WDR7: variants seen among roughly 807,000 people sequenced by gnomAD.
WDR7 encodes WD repeat-containing protein 7.
WDR7 carries 46 observed loss-of-function variants against 169.4 expected under a neutral mutation model. The ratio of observed to expected loss-of-function variants is 0.27; its 90% CI spans 0.21 to 0.35. The LOEUF is 0.35. WDR7 is among the 10% of genes least tolerant of loss of function. The pLI is 1.00. For synonymous variants in WDR7, 612 were observed against 666.8 expected (o/e 0.92, Z 1.27); for missense variants, 1,534 against 1,859.3 (o/e 0.83, Z 3.22).
chr18:56,816,281 A>C lies in WDR7; in HGVS notation c.3304+137A>C. ...TACTGATGGTGTATTTAGTTTTATG[A>C]AACTGTTCAGTGTCCTCTTTAATTT... On this transcript the variant is annotated intron_variant, in intron 20 of 27. Coordinates refer to ENST00000254442, the MANE Select transcript of WDR7 (RefSeq NM_015285.3). 4.3e-6 allele frequency: 3 copies of C among 700,884 alleles called. No homozygotes were observed. The South Asian group carries it at 6.7e-5, about 16-fold the overall frequency. 43.4% of individuals were successfully genotyped at this position (700,884 alleles called of 1,614,324 possible).
At chr18:56,764,474 T>A (rs2044030770) in intron 16 of WDR7, among the ~76,000 whole-genome samples, 1 of 152,160 alleles carries the variant, frequency 6.6e-6, no homozygotes, top group Non-Finnish European at 1.5e-5. Context: ...GATACATGTG[T>A]ACATTGTGGA....
At chr18:56,904,970 G>T (rs899757680) in intron 21 of WDR7, among the ~76,000 whole-genome samples, 1 of 152,102 alleles carries the variant, frequency 6.6e-6, no homozygotes, top group Non-Finnish European at 1.5e-5. Flanking sequence ...AACATAAGAA[G>T]AAAGTAGATA....
chr18:56,754,414 C>T (rs534652549), intron 14 of WDR7, among the ~76,000 whole-genome samples: 2 of 125,692 alleles, frequency 1.6e-5, no homozygotes, highest in Non-Finnish European at 3.4e-5. Context: ...CACATATATA[C>T]ACACACAAAT....
At chr18:56,823,988 A>G (rs1487560186) in intron 20 of WDR7, among the ~76,000 whole-genome samples, 1 of 152,178 alleles carries the variant, frequency 6.6e-6, no homozygotes, top group Admixed American at 6.5e-5. Flanking sequence ...CTTCACCCTC[A>G]TTAACAGCTA....
chr18:56,938,440 T>C (rs965210052), intron 23 of WDR7, 93 bp from the exon 24 acceptor site: 58 of 1,465,098 alleles, frequency 4.0e-5, no homozygotes, highest in Non-Finnish European at 5.1e-5. Context: ...TTTATTTTTT[T>C]CTATAGTATT....
rs578189791 is a variant in WDR7, at chr18:56,783,610, A to T, written c.3190+1954A>T. 8.0e-4 allele frequency among the ~76,000 whole-genome samples: 122 copies of T among 152,282 alleles called. 1 individual carries two copies. Among genetic ancestry groups the T allele is most frequent in the African/African-American group, 2.8e-3 (116 of 41,560 alleles). On this transcript the variant is annotated intron_variant, in intron 19 of 27. Coordinates refer to ENST00000254442, the MANE Select transcript of WDR7 (RefSeq NM_015285.3). ...CCAAATGGACTCGTGTGAAGTAGGG[A>T]AATTGATTAAAGTAGAATAACTAGC...
chr18:56,874,618 T>A (rs1289536051), intron 20 of WDR7, among the ~76,000 whole-genome samples: 1 of 152,080 alleles, frequency 6.6e-6, no homozygotes, highest in Non-Finnish European at 1.5e-5. Flanking sequence ...TATACAAAAT[T>A]CAACAAATTA....
At chr18:56,765,963 G>A (rs76685806) in intron 16 of WDR7, among the ~76,000 whole-genome samples, 3 of 151,386 alleles carry the variant, frequency 2.0e-5, no homozygotes, top group African/African-American at 7.3e-5. Flanking sequence ...TTTAGTGAGC[G>A]TCTGCTCTTC....
At chr18:56,744,513 A>T (rs927417151) in intron 14 of WDR7, among the ~76,000 whole-genome samples, 1 of 152,110 alleles carries the variant, frequency 6.6e-6, no homozygotes, top group African/African-American at 2.4e-5. Flanking sequence ...CAGACATAAA[A>T]GGGAATGGAG....
At chr18:56,808,107 G>A (rs927334567) in intron 19 of WDR7, among the ~76,000 whole-genome samples, 3 of 152,172 alleles carry the variant, frequency 2.0e-5, no homozygotes, top group African/African-American at 7.2e-5. Context: ...TGGATCGATA[G>A]AAGTGGTGTG....
At chr18:56,839,747 G>A (rs148172474) in intron 20 of WDR7, among the ~76,000 whole-genome samples, 2 of 152,244 alleles carry the variant, frequency 1.3e-5, no homozygotes, top group African/African-American at 4.8e-5. Context: ...AAATCATGGG[G>A]TGAGCCTATG....
chr18:56,765,579 A>G (rs1391388650), intron 16 of WDR7, among the ~76,000 whole-genome samples: 2 of 151,780 alleles, frequency 1.3e-5, no homozygotes, highest in Admixed American at 6.6e-5. Flanking sequence ...TTACTTTTAT[A>G]TATGTTATAA....
At chr18:56,859,514 C>G (rs1387964760) in intron 20 of WDR7, among the ~76,000 whole-genome samples, 1 of 152,124 alleles carries the variant, frequency 6.6e-6, no homozygotes, top group African/African-American at 2.4e-5. Context: ...CTTGCTTGCT[C>G]TTAGTATTAT....
At chr18:56,681,426 T>G in intron 4 of WDR7, 35 bp downstream of exon 4, 1 of 1,266,710 alleles carries the variant, frequency 7.9e-7, no homozygotes, top group Non-Finnish European at 1.1e-6. Flanking sequence ...AAGTACAAAC[T>G]ATTATAAGTA....
At chr18:56,982,115 G>A (rs2047655007) in intron 26 of WDR7, among the ~76,000 whole-genome samples, 2 of 152,158 alleles carry the variant, frequency 1.3e-5, no homozygotes, top group Admixed American at 1.3e-4. Flanking sequence ...ATTAAGGTCT[G>A]TGCTGATGAA....
intron 26 of WDR7, among the ~76,000 whole-genome samples, chr18:56,984,900 C>T (rs2047692039): frequency 6.6e-6 from 1 of 152,112 alleles, no homozygotes; most frequent in Admixed American, 6.6e-5. Context: ...TATTGATTTG[C>T]CCTTCAGCTG....
At chr18:56,667,780 A>G (rs2025054995) in intron 1 of WDR7, among the ~76,000 whole-genome samples, 1 of 152,170 alleles carries the variant, frequency 6.6e-6, no homozygotes, top group African/African-American at 2.4e-5. Flanking sequence ...AGTCTTATCT[A>G]TTATATCTTT....
chr18:56,785,899 C>G (rs1356797862), intron 19 of WDR7, among the ~76,000 whole-genome samples: 2 of 150,010 alleles, frequency 1.3e-5, no homozygotes, highest in Non-Finnish European at 3.0e-5. Context: ...CTCCTAGGCT[C>G]AAGGGATCTT....
At chr18:56,843,647 A>G (rs2045520438) in intron 20 of WDR7, among the ~76,000 whole-genome samples, 1 of 152,142 alleles carries the variant, frequency 6.6e-6, no homozygotes, top group African/African-American at 2.4e-5. Flanking sequence ...ATATTGATAT[A>G]GAACTATCTG....
Sources: gnomAD v4.1 joint callset for allele counts (sites outside exome capture counted in the v4.1 genomes callset) on GRCh38, gnomAD v4.1.1 for gene constraint, MANE v1.5 for transcripts, NCBI Gene and HGNC (gene_info 2026-07-23, HGNC 2026-07-21) for gene names.